Variants in SLC16A7 observed in about 807,000 individuals in gnomAD.
SLC16A7 encodes the protein monocarboxylate transporter 2.
A neutral mutation model predicts 34.9 loss-of-function variants in SLC16A7; 33 were observed. That is an observed-to-expected ratio of 0.94 (90% CI 0.72 to 1.26). The LOEUF (loss-of-function observed/expected upper bound fraction) is 1.26. Among genes scored for constraint, SLC16A7 ranks in the 50% most tolerant of loss-of-function variants. The probability of loss-of-function intolerance (pLI) is 0.00; values close to 1 mark genes in which losing one functional copy is unlikely to be tolerated. For synonymous variants in SLC16A7, 201 were observed against 206.6 expected (o/e 0.97, Z 0.23); for missense variants, 573 against 578.1 (o/e 0.99, Z 0.09).
At chr12:59,597,190 C>T (rs902534140) in intron 1 of SLC16A7, 2 of 151,370 alleles carry the variant, frequency 1.3e-5, no homozygotes, top group African/African-American at 4.9e-5. Context: ...GGAGGGACTT[C>T]TGTAGTTCCA....
At chr12:59,604,456 T>C (rs1878838278) in intron 1 of SLC16A7, among the ~76,000 whole-genome samples, 1 of 152,204 alleles carries the variant, frequency 6.6e-6, no homozygotes. Flanking sequence ...CCCTAAGTAG[T>C]AAAACAACAA....
At position 59,786,878 on chromosome 12, in the gene SLC16A7, T is replaced by C. The variant is rs927280117; in HGVS notation, c.*7199T>C. 1.1e-4 allele frequency: 16 copies of C among 152,168 alleles called. No homozygotes were observed. The highest frequency in any genetic ancestry group is 2.6e-4 in the Admixed American group (4 of 15,262). 9.4% of individuals were successfully genotyped at this position (152,168 alleles called of 1,614,324 possible). ...TAAATAAAATATTTTCCTAGAAATATATATAACAACCCTACTTGATAGTTT... is the reference window on the plus strand; with the variant it reads ...TAAATAAAATATTTTCCTAGAAATACATATAACAACCCTACTTGATAGTTT... On this transcript the variant is annotated 3_prime_UTR_variant, in exon 6 of 6. Transcript: ENST00000547379.
intron 1 of SLC16A7, among the ~76,000 whole-genome samples, chr12:59,652,364 A>T (rs1868356412): frequency 6.6e-6 from 1 of 151,940 alleles, no homozygotes; most frequent in South Asian, 2.1e-4. Flanking sequence ...TTTGATTAAA[A>T]TTTGTTTCAT....
chr12:59,619,103 C>T (rs1331305662), intron 1 of SLC16A7, among the ~76,000 whole-genome samples: 1 of 152,026 alleles, frequency 6.6e-6, no homozygotes, highest in African/African-American at 2.4e-5. Flanking sequence ...TTAACATGAA[C>T]ATTTTACCAA....
At chr12:59,629,137 A>G (rs901457141) in intron 1 of SLC16A7, among the ~76,000 whole-genome samples, 1 of 151,764 alleles carries the variant, frequency 6.6e-6, no homozygotes, top group African/African-American at 2.4e-5. Context: ...CTCTTCTTAT[A>G]AGGACATTAA....
intron 2 of SLC16A7, among the ~76,000 whole-genome samples, chr12:59,694,449 G>C (rs188458650): frequency 3.0e-4 from 46 of 151,978 alleles, no homozygotes; most frequent in African/African-American, 1.1e-3. Flanking sequence ...CCATGAAACC[G>C]TCACTGCAAT....
chr12:59,738,905 A>C (rs955748303), intron 3 of SLC16A7, among the ~76,000 whole-genome samples: 9 of 151,338 alleles, frequency 5.9e-5, no homozygotes, highest in African/African-American at 2.2e-4. Context: ...AATTTATATC[A>C]CTTACCCATT....
At chr12:59,678,498 T>C (rs1371854183) in intron 2 of SLC16A7, among the ~76,000 whole-genome samples, 1 of 152,156 alleles carries the variant, frequency 6.6e-6, no homozygotes, top group African/African-American at 2.4e-5. Context: ...AGTTCCGATG[T>C]CTGCTCAGCT....
intron 3 of SLC16A7, among the ~76,000 whole-genome samples, chr12:59,713,739 G>A (rs1874534596): frequency 6.6e-6 from 1 of 152,110 alleles, no homozygotes; most frequent in Non-Finnish European, 1.5e-5. Flanking sequence ...CATTGCCTGA[G>A]GATTCATTTG....
At chr12:59,744,032 G>A (rs928216264) in intron 3 of SLC16A7, among the ~76,000 whole-genome samples, 15 of 152,086 alleles carry the variant, frequency 9.9e-5, no homozygotes, top group African/African-American at 3.6e-4. Context: ...TTTTCTATAT[G>A]AGAAACAAAA....
At chr12:59,727,865 A>G (rs2706317) in intron 3 of SLC16A7, among the ~76,000 whole-genome samples, 18,647 of 152,146 alleles carry the variant, frequency 0.12, 1,496 homozygotes, top group African/African-American at 0.22. Flanking sequence ...CATGCAGTAT[A>G]TAATAAGGTG....
In SLC16A7 at chr12:59,751,570, C is replaced by T. The variant is rs563606102; in HGVS notation, c.218-19649C>T. 3.2e-3 allele frequency among the ~76,000 whole-genome samples: 486 copies of T among 152,334 alleles called. 3 individuals carry two copies. The highest frequency in any genetic ancestry group is 9.9e-3 in the South Asian group (48 of 4,830). On this transcript the variant is annotated intron_variant, in intron 3 of 5. Transcript: ENST00000547379. ...TGGGGGAGGTGCGCCCGCCATTGCC[C>T]AGGCTTGCTTAGGTAAACAAAGCAG...
chr12:59,637,691 G>A (rs1334698813), intron 1 of SLC16A7, among the ~76,000 whole-genome samples: 1 of 152,086 alleles, frequency 6.6e-6, no homozygotes, highest in Admixed American at 6.6e-5. Flanking sequence ...TTATGTTTAC[G>A]TTCTCTTGTG....
At chr12:59,739,046 TTTATTA>T (rs1273623164) in intron 3 of SLC16A7, among the ~76,000 whole-genome samples, 1 of 150,382 alleles carries the variant, frequency 6.6e-6, no homozygotes, top group Admixed American at 6.6e-5. Context: ...ATTTATTTAT[TTTATTA>T]TTATTATACT....
chr12:59,767,313 T>A (rs537155835), intron 3 of SLC16A7, among the ~76,000 whole-genome samples: 2 of 152,080 alleles, frequency 1.3e-5, no homozygotes, highest in African/African-American at 4.8e-5. Flanking sequence ...CTAAGATCAT[T>A]GATAAAGGTG....
intron 3 of SLC16A7, among the ~76,000 whole-genome samples, chr12:59,750,377 C>A (rs950030716): frequency 6.6e-6 from 1 of 152,064 alleles, no homozygotes; most frequent in African/African-American, 2.4e-5. Context: ...AAGAAAAAAA[C>A]AACCCCATCA....
chr12:59,758,810 C>A (rs1286811824), intron 3 of SLC16A7, among the ~76,000 whole-genome samples: 2 of 152,026 alleles, frequency 1.3e-5, no homozygotes, highest in Non-Finnish European at 2.9e-5. Flanking sequence ...TCACAGTGAA[C>A]TGGTTCTTGG....
intron 1 of SLC16A7, among the ~76,000 whole-genome samples, chr12:59,633,659 G>T (rs944422788): frequency 5.3e-5 from 8 of 151,812 alleles, no homozygotes; most frequent in African/African-American, 1.9e-4. Flanking sequence ...AAAAAAAAGA[G>T]ATTTAATTGA....
intron 3 of SLC16A7, among the ~76,000 whole-genome samples, chr12:59,714,238 G>C (rs1046739681): frequency 2.6e-5 from 4 of 152,154 alleles, no homozygotes; most frequent in Non-Finnish European, 5.9e-5. Flanking sequence ...GTGTTTGACA[G>C]TCTAAAACCT....
Sources: gnomAD v4.1 joint callset for allele counts (sites outside exome capture counted in the v4.1 genomes callset) on GRCh38, gnomAD v4.1.1 for gene constraint, MANE v1.5 for transcripts, NCBI Gene and HGNC (gene_info 2026-07-23, HGNC 2026-07-21) for gene names.